FER1L6: variants seen among roughly 807,000 people sequenced by gnomAD.
FER1L6 encodes the protein fer-1-like protein 6.
FER1L6 carries 177 observed loss-of-function variants against 219.2 expected under a neutral mutation model. The ratio of observed to expected loss-of-function variants is 0.81; its 90% confidence interval spans 0.71 to 0.91. The LOEUF is 0.91. Ranked by LOEUF, FER1L6 falls within the 40% of genes least tolerant of loss-of-function variation. The pLI, the probability that FER1L6 is intolerant of heterozygous loss-of-function variation, is 0.00. For missense variants in FER1L6, 2,153 were observed against 2,259.9 expected (o/e 0.95, Z 0.96); for synonymous variants, 768 against 824.3 (o/e 0.93, Z 1.17).
intron 18 of FER1L6, among the ~76,000 whole-genome samples, chr8:124,030,380 G>T (rs1744784294): frequency 6.6e-6 from 1 of 152,102 alleles, no homozygotes; most frequent in African/African-American, 2.4e-5. Flanking sequence ...TATTCATGAT[G>T]CTACTAAAAA....
At chr8:124,010,552 C>T in intron 13 of FER1L6, 42 bp from the exon 14 acceptor site, 1 of 1,607,370 alleles carries the variant, frequency 6.2e-7, no homozygotes, top group Non-Finnish European at 8.5e-7. Context: ...GCCTGGAAAA[C>T]ACTGATTACC....
rs1268108730 is a variant in FER1L6 at position 124,071,614 on chromosome 8, A to C, written c.4075A>C (p.Arg1359=). 2 of 1,613,642 alleles carry C rather than the reference A, an allele frequency of 1.2e-6. No homozygotes were observed. The highest frequency in any genetic ancestry group is 2.7e-5 in the African/African-American group (2 of 74,930). ...CAATCACCCTGTCACAGTGCTGATC[A>C]GAGTATACATTGTCGCGGTGAGCCA... is the stretch of plus-strand genomic sequence containing the variant. ...PPNHPVTVLI[R]VYIVAAFNLS... The change falls in exon 31 of 41, where the codon AGA becomes CGA. Residue 1359 remains arginine, a synonymous_variant. Coordinates refer to ENST00000522917, the MANE Select transcript of FER1L6 (RefSeq NM_001039112.2).
intron 1 of FER1L6, among the ~76,000 whole-genome samples, chr8:123,857,264 C>T (rs185982179): frequency 6.6e-6 from 1 of 152,162 alleles, no homozygotes; most frequent in Non-Finnish European, 1.5e-5. Context: ...AATCTCAGCA[C>T]TTTGGGAGGC....
chr8:124,077,336 A>C (rs1821334782), intron 32 of FER1L6, among the ~76,000 whole-genome samples: 2 of 152,190 alleles, frequency 1.3e-5, no homozygotes, highest in African/African-American at 4.8e-5. Flanking sequence ...ATACATCTTT[A>C]GTGTGTTTAA....
intron 1 of FER1L6, among the ~76,000 whole-genome samples, chr8:123,943,570 T>C (rs756601356): frequency 3.3e-5 from 5 of 152,176 alleles, no homozygotes; most frequent in Non-Finnish European, 7.3e-5. Flanking sequence ...GCTTTCCTTC[T>C]TCCGAGACAG....
rs1398241344 is a variant in FER1L6, at chr8:123,853,248, A to T, written c.-8+1063A>T. ...TGGCTCACTGCAGCCGCCACCTCCC[A>T]GGTTCAAGTGAGTCTCGTGCCTCAG... On this transcript the variant is annotated intron_variant, in intron 1 of 40. Coordinates refer to ENST00000522917, the MANE Select transcript of FER1L6 (RefSeq NM_001039112.2). The surrounding 1 kb of genome is among the most constrained non-coding windows in gnomAD (Gnocchi z 6.6). Among the ~76,000 whole-genome samples the T allele has an allele frequency of 6.6e-6, 1 of 152,178 alleles. No individual in the cohort carries two copies. The highest frequency in any genetic ancestry group is 1.9e-4 in the East Asian group (1 of 5,184).
intron 25 of FER1L6, 35 bp from the exon 26 acceptor site, chr8:124,064,312 G>C: frequency 6.3e-7 from 1 of 1,576,496 alleles, no homozygotes; most frequent in Admixed American, 1.7e-5. Flanking sequence ...CTGTGATGCA[G>C]CCCAGCTCCC....
At chr8:124,027,825 G>A (rs1319609837) in intron 18 of FER1L6, among the ~76,000 whole-genome samples, 1 of 152,090 alleles carries the variant, frequency 6.6e-6, no homozygotes, top group African/African-American at 2.4e-5. Flanking sequence ...GCCTCCCAAA[G>A]CACTGAGATT....
At chr8:123,927,619 T>C (rs1295024113) in intron 1 of FER1L6, among the ~76,000 whole-genome samples, 2 of 152,242 alleles carry the variant, frequency 1.3e-5, no homozygotes, top group African/African-American at 4.8e-5. Flanking sequence ...TTTGTTTTAG[T>C]AGAAATCTTA....
At chr8:123,987,812 G>T (rs754326817) in intron 12 of FER1L6, among the ~76,000 whole-genome samples, 1 of 152,096 alleles carries the variant, frequency 6.6e-6, no homozygotes, top group Non-Finnish European at 1.5e-5. Context: ...CGATACTTTT[G>T]TAAAAAATGA....
At position 124,107,958 on chromosome 8, in the gene FER1L6, A is replaced by G. The variant is rs191256436; in HGVS notation, c.5289+4649A>G. On this transcript the variant is annotated intron_variant, in intron 39 of 40. Coordinates refer to ENST00000522917, the MANE Select transcript of FER1L6 (RefSeq NM_001039112.2). ...CATCAAAAAATGCATGTCTGTGTTA[A>G]AAGTTTTAAAAGCTTTCTGGATTGT... Among the ~76,000 whole-genome samples, 350 of 152,336 alleles carry G rather than the reference A, an allele frequency of 2.3e-3. 1 individual carries two copies. The highest frequency in any genetic ancestry group is 4.2e-3 in the Non-Finnish European group (283 of 68,034).
chr8:124,012,648 G>A (rs139492633), intron 14 of FER1L6, among the ~76,000 whole-genome samples: 104 of 152,330 alleles, frequency 6.8e-4, no homozygotes, highest in African/African-American at 2.4e-3. Context: ...TCACTTGTAA[G>A]TGATAGAGCC....
At chr8:123,936,194 A>G (rs1052121736) in intron 1 of FER1L6, among the ~76,000 whole-genome samples, 2 of 152,112 alleles carry the variant, frequency 1.3e-5, no homozygotes, top group Admixed American at 6.5e-5. Context: ...AACGGTCCAT[A>G]CGCTTTTAAA....
At chr8:123,902,798 T>C (rs1337888268) in intron 1 of FER1L6, among the ~76,000 whole-genome samples, 1 of 152,226 alleles carries the variant, frequency 6.6e-6, no homozygotes, top group Non-Finnish European at 1.5e-5. Flanking sequence ...AGTATTGAAA[T>C]GTGAGGTACT....
intron 1 of FER1L6, among the ~76,000 whole-genome samples, chr8:123,894,083 T>A (rs1230252203): frequency 6.6e-6 from 1 of 152,106 alleles, no homozygotes; most frequent in African/African-American, 2.4e-5. Context: ...GACAGTTTTT[T>A]TCTGATAAAC....
chr8:123,932,762 C>T (rs1813823164), intron 1 of FER1L6, among the ~76,000 whole-genome samples: 1 of 152,258 alleles, frequency 6.6e-6, no homozygotes, highest in Admixed American at 6.5e-5. Context: ...GTATTAAACA[C>T]ATTCATTGAG....
At chr8:124,015,593 A>ATG (rs1233792654) in intron 15 of FER1L6, among the ~76,000 whole-genome samples, 11 of 91,944 alleles carry the variant, frequency 1.2e-4, no homozygotes, top group African/African-American at 5.5e-4. Flanking sequence ...ATATATATAT[A>ATG]TATATATATA....
In FER1L6 at chr8:123,885,233, G is replaced by T. The variant is rs377285656; in HGVS notation, c.-8+33048G>T. Among the ~76,000 whole-genome samples, 21 of 152,326 alleles carry T rather than the reference G, an allele frequency of 1.4e-4. No homozygotes were observed. The East Asian group carries it at 2.5e-3, about 18-fold the overall frequency. On this transcript the variant is annotated intron_variant, in intron 1 of 40. Transcript: ENST00000522917. ...ATCAATTTCTGTTGGTTTAGGCCAT[G>T]CTGTTTGTGATAACTTGCTATGGCA...
In FER1L6 at chr8:123,852,836, C is replaced by T. The variant is rs193224977; in HGVS notation, c.-8+651C>T. Reference sequence around the variant, plus strand: ...TATTTGGATTTCACAAGTTTTTCCACGAATGTCTTTTTCTGTTCTAGGAGC... The same window carrying T: ...TATTTGGATTTCACAAGTTTTTCCATGAATGTCTTTTTCTGTTCTAGGAGC... On this transcript the variant is annotated intron_variant, in intron 1 of 40. Transcript: ENST00000522917. The surrounding 1 kb of genome is among the most constrained non-coding windows in gnomAD (Gnocchi z 4.9). 9.9e-5 allele frequency among the ~76,000 whole-genome samples: 15 copies of T among 152,138 alleles called. No homozygotes were observed. The highest frequency in any genetic ancestry group is 2.2e-4 in the African/African-American group (9 of 41,516).
Sources: allele counts gnomAD v4.1 joint callset (sites outside exome capture counted in the v4.1 genomes callset), GRCh38; gene constraint gnomAD v4.1.1; non-coding constraint Gnocchi (gnomAD v3.1); transcripts MANE v1.5; gene names NCBI Gene and HGNC (gene_info 2026-07-23, HGNC 2026-07-21).